Variants in GPR155 observed in about 807,000 individuals in gnomAD.
GPR155 encodes lysosomal cholesterol signaling protein.
Under a neutral mutation model 93.1 loss-of-function variants are expected in GPR155, and 65 were observed. The ratio of observed to expected loss-of-function variants is 0.70; its 90% CI spans 0.57 to 0.86. The LOEUF (loss-of-function observed/expected upper bound fraction) is 0.86. Ranked by LOEUF, GPR155 falls within the 40% of genes least tolerant of loss-of-function variation. The pLI, the probability that GPR155 is intolerant of heterozygous loss-of-function variation, is 0.00. For synonymous variants in GPR155, 319 were observed against 360.1 expected (o/e 0.89, Z 1.29); for missense variants, 838 against 1,034.8 (o/e 0.81, Z 2.61).
intron 7 of GPR155, among the ~76,000 whole-genome samples, chr2:174,462,806 C>A (rs367623280): frequency 1.3e-5 from 2 of 152,312 alleles, no homozygotes; most frequent in South Asian, 4.1e-4. Flanking sequence ...ACTTTCCTTA[C>A]AACTTATATG....
intron 9 of GPR155, among the ~76,000 whole-genome samples, chr2:174,460,796 A>G (rs1374830072): frequency 2.0e-5 from 3 of 152,228 alleles, no homozygotes; most frequent in Non-Finnish European, 4.4e-5. Flanking sequence ...TATAGCTAAT[A>G]TTTATTGAGC....
chr2:174,438,192 G>A (rs1023473769), intron 15 of GPR155, among the ~76,000 whole-genome samples: 2 of 151,944 alleles, frequency 1.3e-5, no homozygotes, highest in Admixed American at 6.5e-5. Flanking sequence ...GTGAGATTGC[G>A]CCACTGCACT....
At chr2:174,437,031 CT>C in intron 15 of GPR155, among the ~76,000 whole-genome samples, 1 of 152,288 alleles carries the variant, frequency 6.6e-6, no homozygotes, top group East Asian at 1.9e-4. Flanking sequence ...ATCTAACTTG[CT>C]ACAAATCTAA....
intron 15 of GPR155, 37 bp downstream of exon 15, chr2:174,439,861 T>C (rs771213070): frequency 6.4e-7 from 1 of 1,562,058 alleles, no homozygotes; most frequent in East Asian, 2.3e-5. Flanking sequence ...TCATTTAAAA[T>C]ATAATTGTCT....
At chr2:174,440,124 T>C (rs1234990614) in intron 14 of GPR155, 89 bp from the exon 15 acceptor site, 2 of 1,039,180 alleles carry the variant, frequency 1.9e-6, no homozygotes, top group African/African-American at 3.3e-5. Flanking sequence ...AAATGGCTGT[T>C]CCAAAGCTGT....
rs1009992325 is a variant in GPR155 at position 174,469,314 on chromosome 2, A to C, written c.1027-247T>G. On this transcript the variant is annotated intron_variant, in intron 4 of 15. Transcript: ENST00000392552. ...TTTATATTTACGCATAATAAATACT[A>C]GAAATTTACTGTTGATGGTTAGTTA... Among the ~76,000 whole-genome samples the C allele has an allele frequency of 2.0e-5, 3 of 152,328 alleles. No individual in the cohort carries two copies. In the South Asian group the frequency reaches 6.2e-4, roughly 32 times the overall value.
At chr2:174,478,568 C>T (rs578237398) in intron 2 of GPR155, among the ~76,000 whole-genome samples, 2 of 152,304 alleles carry the variant, frequency 1.3e-5, no homozygotes, top group South Asian at 4.1e-4. Context: ...AGTAATAATA[C>T]ATCATTTTAA....
chr2:174,457,277 G>A (rs377118868), intron 10 of GPR155, among the ~76,000 whole-genome samples: 19 of 152,286 alleles, frequency 1.2e-4, no homozygotes, highest in South Asian at 4.1e-4. Flanking sequence ...GCTCCACTGC[G>A]CTCCAGCCTG....
chr2:174,475,649 T>A (rs950110572), intron 2 of GPR155, among the ~76,000 whole-genome samples: 2 of 152,238 alleles, frequency 1.3e-5, no homozygotes, highest in African/African-American at 4.8e-5. Context: ...ATGCTAGTTA[T>A]ATAAAGTTAG....
intron 2 of GPR155, among the ~76,000 whole-genome samples, chr2:174,476,319 T>A (rs759775565): frequency 3.3e-5 from 5 of 152,138 alleles, no homozygotes; most frequent in Admixed American, 6.5e-5. Context: ...ACAAAACCTT[T>A]CTTTTACCGG....
At chr2:174,475,648 A>T (rs916030085) in intron 2 of GPR155, among the ~76,000 whole-genome samples, 2 of 152,204 alleles carry the variant, frequency 1.3e-5, no homozygotes, top group African/African-American at 4.8e-5. Flanking sequence ...TATGCTAGTT[A>T]TATAAAGTTA....
chr2:174,467,419 T>C (rs1461056439), intron 5 of GPR155, among the ~76,000 whole-genome samples: 1 of 151,798 alleles, frequency 6.6e-6, no homozygotes, highest in Non-Finnish European at 1.5e-5. Flanking sequence ...AGGGAGAAGT[T>C]GCAGTGAGCC....
At chr2:174,446,794 A>G in intron 11 of GPR155, 47 bp from the exon 12 acceptor site, 1 of 1,567,864 alleles carries the variant, frequency 6.4e-7, no homozygotes, top group Non-Finnish European at 8.7e-7. Flanking sequence ...CTTTTTATCT[A>G]AATGCATTTT....
intron 2 of GPR155, among the ~76,000 whole-genome samples, chr2:174,478,553 A>G (rs923115084): frequency 2.6e-5 from 4 of 152,172 alleles, no homozygotes; most frequent in African/African-American, 9.7e-5. Flanking sequence ...CTATTCTGTT[A>G]CTGGAGTAAT....
In GPR155 at chr2:174,473,137, T is replaced by C. The variant is rs1438612861; in HGVS notation, c.688A>G (p.Asn230Asp). Residue 230 changes from asparagine (N) to aspartate (D), a missense_variant, in exon 3 of 16, where the codon AAT becomes GAT. Coordinates refer to ENST00000392552, the MANE Select transcript of GPR155 (RefSeq NM_152529.7). ...VFMVFIGIAF[N>D]FILDRKVPVY... is the part of the protein sequence containing the mutation. The stretch of plus-strand genomic sequence containing the variant: ...GGTACCTTTCGATCAAGAATAAAAT[T>C]GAAGGCGATGCCAATGAAGACCATA... 1 of 1,611,268 alleles carries C rather than the reference T, an allele frequency of 6.2e-7. No individual in the cohort carries two copies. The highest frequency in any genetic ancestry group is 8.5e-7 in the Non-Finnish European group (1 of 1,179,384).
intron 7 of GPR155, among the ~76,000 whole-genome samples, chr2:174,465,129 G>A (rs531660518): frequency 3.3e-5 from 5 of 152,098 alleles, no homozygotes; most frequent in African/African-American, 9.6e-5. Context: ...TATCCTTTTT[G>A]GAGCCAGCTG....
intron 10 of GPR155, 135 bp downstream of exon 10, chr2:174,459,743 G>A (rs1687626347): frequency 1.6e-6 from 1 of 616,896 alleles, no homozygotes; most frequent in Non-Finnish European, 2.8e-6. Context: ...TACTCTGGAG[G>A]CTCAGGTGGC....
Position 174,453,142 on chromosome 2 carries a change from A to G in GPR155, c.1876+595T>C, listed in dbSNP as rs76914456. Among the ~76,000 whole-genome samples, 1,261 of 152,368 alleles carry G rather than the reference A, an allele frequency of 8.3e-3. 11 individuals carry two copies. Among genetic ancestry groups the G allele is most frequent in the South Asian group, 0.021 (100 of 4,830 alleles). On this transcript the variant is annotated intron_variant, in intron 11 of 15. Coordinates refer to ENST00000392552, the MANE Select transcript of GPR155 (RefSeq NM_152529.7). ...TCCACCTCCCACCAAAATGCCCTTT[A>G]GGGCAAACTTCCTGGATTTGTCACT...
chr2:174,459,874 A>G lies in GPR155; in HGVS notation c.1771+4T>C, dbSNP rs376670541. On this transcript the variant is annotated splice_donor_region_variant and intron_variant, in intron 10 of 15. Coordinates refer to ENST00000392552, the MANE Select transcript of GPR155 (RefSeq NM_152529.7). ...AAATAAAAATAAAATTAAAAAGATC[A>G]TACTTGTTTCTGGAATAGAGCTTGT... is the stretch of plus-strand genomic sequence containing the variant. The G allele has an allele frequency of 7.3e-5, 115 of 1,585,162 alleles. No homozygotes were observed. The highest frequency in any genetic ancestry group is 3.4e-5 in the Admixed American group (2 of 59,640).
Sources: allele counts gnomAD v4.1 joint callset (sites outside exome capture counted in the v4.1 genomes callset), GRCh38; gene constraint gnomAD v4.1.1; transcripts MANE v1.5; gene names NCBI Gene and HGNC (gene_info 2026-07-23, HGNC 2026-07-21).